CSMD1: variants seen among roughly 807,000 people sequenced by gnomAD.
CSMD1 encodes CUB and sushi domain-containing protein 1.
CSMD1 carries 213 observed loss-of-function variants against 417.5 expected under a neutral mutation model. That is an observed-to-expected ratio of 0.51 (90% confidence interval 0.46 to 0.57). CSMD1 has a LOEUF of 0.57. Ranked by LOEUF, CSMD1 falls within the 20% of genes least tolerant of loss-of-function variation. CSMD1 has a pLI of 0.00. For missense variants in CSMD1, 6,923 were observed against 4,529.7 expected (o/e 1.53, Z -15.17); for synonymous variants, 2,862 against 1,736.8 (o/e 1.65, Z -16.11).
At chr8:4,679,549 A>C (rs1805906582) in intron 1 of CSMD1, among the ~76,000 whole-genome samples, 1 of 152,160 alleles carries the variant, frequency 6.6e-6, no homozygotes, top group Non-Finnish European at 1.5e-5. Context: ...AAATTTGAGG[A>C]GCACAGATAA....
chr8:3,835,419 G>T (rs1042204180), intron 5 of CSMD1, among the ~76,000 whole-genome samples: 1 of 151,912 alleles, frequency 6.6e-6, no homozygotes, highest in Non-Finnish European at 1.5e-5. Context: ...TCCTTTGTAG[G>T]GACATGGATG....
chr8:4,108,096 C>G (rs951853214), intron 3 of CSMD1, among the ~76,000 whole-genome samples: 3 of 150,148 alleles, frequency 2.0e-5, no homozygotes, highest in Non-Finnish European at 4.4e-5. Flanking sequence ...AGAGAGAGAA[C>G]AAGAAAAAGA....
chr8:3,363,512 C>CTTATTTATTTATTTATTTAT (rs72391770), intron 20 of CSMD1, among the ~76,000 whole-genome samples: 10 of 150,656 alleles, frequency 6.6e-5, no homozygotes, highest in African/African-American at 1.7e-4. Flanking sequence ...TGTAGAAAGG[C>CTTATTTATTTATTTATTTAT]TTATTTATTT....
intron 2 of CSMD1, among the ~76,000 whole-genome samples, chr8:4,577,918 C>A (rs951774538): frequency 3.9e-5 from 6 of 152,010 alleles, no homozygotes; most frequent in African/African-American, 1.5e-4. Flanking sequence ...GGAAACAAGC[C>A]TTAGTGCAAT....
intron 1 of CSMD1, among the ~76,000 whole-genome samples, chr8:4,686,745 A>G (rs1481514972): frequency 2.0e-5 from 3 of 152,226 alleles, no homozygotes; most frequent in Admixed American, 6.5e-5. Flanking sequence ...GGCCTCAGCC[A>G]TGAACCTAAG....
chr8:3,810,521 G>A (rs895568836), intron 5 of CSMD1, among the ~76,000 whole-genome samples: 2 of 152,102 alleles, frequency 1.3e-5, no homozygotes, highest in Admixed American at 1.3e-4. Flanking sequence ...AGGTCAGAAT[G>A]GGATGCCTCC....
intron 7 of CSMD1, among the ~76,000 whole-genome samples, chr8:3,625,900 T>C (rs893582075): frequency 4.6e-5 from 7 of 152,222 alleles, no homozygotes; most frequent in African/African-American, 1.7e-4. Flanking sequence ...CCAACTGATA[T>C]ATCACGGTAG....
chr8:4,065,880 TAAGA>T (rs1799220052), intron 3 of CSMD1, among the ~76,000 whole-genome samples: 1 of 152,148 alleles, frequency 6.6e-6, no homozygotes, highest in African/African-American at 2.4e-5. Context: ...CTGTCTTCCA[TAAGA>T]AAGACTGCTC....
At chr8:4,645,444 C>CAAAAAA (rs549511320) in intron 1 of CSMD1, among the ~76,000 whole-genome samples, 3,877 of 36,880 alleles carry the variant, frequency 0.11, 1,136 homozygotes, top group Middle Eastern at 0.17. Context: ...AGTGCAGGGG[C>CAAAAAA]AAAAAAAAAA....
intron 3 of CSMD1, among the ~76,000 whole-genome samples, chr8:4,310,856 C>G (rs375926778): frequency 9.8e-5 from 15 of 152,300 alleles, no homozygotes; most frequent in Middle Eastern, 3.4e-3. Flanking sequence ...GAAATGCCTT[C>G]TTCTCAAAAG....
At chr8:3,466,445 T>C (rs1323020785) in intron 12 of CSMD1, among the ~76,000 whole-genome samples, 1 of 152,104 alleles carries the variant, frequency 6.6e-6, no homozygotes, top group African/African-American at 2.4e-5. Flanking sequence ...AGTCTCACTC[T>C]GTTGCCTAGG....
At chr8:4,752,666 A>C (rs931659830) in intron 1 of CSMD1, among the ~76,000 whole-genome samples, 5 of 152,022 alleles carry the variant, frequency 3.3e-5, no homozygotes, top group African/African-American at 1.2e-4. Flanking sequence ...CCAGCAGATA[A>C]AATCTGATGG....
chr8:4,298,381 T>C (rs994758584), intron 3 of CSMD1, among the ~76,000 whole-genome samples: 1 of 152,152 alleles, frequency 6.6e-6, no homozygotes, highest in East Asian at 1.9e-4. Flanking sequence ...ATTTACTGTA[T>C]TTGCTTTGAA....
chr8:4,406,515 A>G (rs1295158381), intron 3 of CSMD1, among the ~76,000 whole-genome samples: 1 of 152,162 alleles, frequency 6.6e-6, no homozygotes, highest in African/African-American at 2.4e-5. Context: ...ACTAGTTGAT[A>G]TTACTTTTCA....
chr8:4,340,990 T>A (rs978820209), intron 3 of CSMD1, among the ~76,000 whole-genome samples: 1 of 152,070 alleles, frequency 6.6e-6, no homozygotes, highest in Non-Finnish European at 1.5e-5. Flanking sequence ...ATTTAAAAAT[T>A]ATCACAGTCA....
At chr8:3,814,809 T>A (rs1801285263) in intron 5 of CSMD1, among the ~76,000 whole-genome samples, 1 of 152,204 alleles carries the variant, frequency 6.6e-6, no homozygotes, top group Non-Finnish European at 1.5e-5. Context: ...GGTGTGATTA[T>A]TTCAAGCCAA....
chr8:3,730,562 T>G (rs372004289), intron 6 of CSMD1, among the ~76,000 whole-genome samples: 1 of 152,124 alleles, frequency 6.6e-6, no homozygotes, highest in African/African-American at 2.4e-5. Flanking sequence ...CTACCGCCAA[T>G]GAACAGCTTT....
chr8:4,024,391 G>C (rs890204361), intron 4 of CSMD1, among the ~76,000 whole-genome samples: 2 of 152,276 alleles, frequency 1.3e-5, no homozygotes, highest in Admixed American at 6.5e-5. Flanking sequence ...GCTGATGGAA[G>C]TTTTACTTTC....
intron 5 of CSMD1, among the ~76,000 whole-genome samples, chr8:3,865,268 T>C (rs768701805): frequency 9.8e-5 from 15 of 152,316 alleles, no homozygotes; most frequent in Non-Finnish European, 2.1e-4. Flanking sequence ...GTAAGTTACT[T>C]CTGCCTCACA....
Sources: allele counts gnomAD v4.1 joint callset (sites outside exome capture counted in the v4.1 genomes callset), GRCh38; gene constraint gnomAD v4.1.1; transcripts MANE v1.5; gene names NCBI Gene and HGNC (gene_info 2026-07-23, HGNC 2026-07-21).